CNPY1: variants seen among roughly 807,000 people sequenced by gnomAD.
CNPY1 encodes protein canopy homolog 1.
Under a neutral mutation model 14.4 loss-of-function variants are expected in CNPY1, and 14 were observed. That is an observed-to-expected ratio of 0.97 (90% CI 0.64 to 1.52). CNPY1 has a LOEUF of 1.52. CNPY1 is among the 40% of genes most tolerant of loss of function. The probability of loss-of-function intolerance (pLI) is 0.00; values close to 1 mark genes in which losing one functional copy is unlikely to be tolerated. For missense variants in CNPY1, 129 were observed against 131.5 expected, an observed-to-expected ratio of 0.98 and a Z score of 0.09; for synonymous variants, 43 against 46.5, an observed-to-expected ratio of 0.92 and a Z score of 0.31.
chr7:155,513,507 T>C (rs1238174245), intron 2 of CNPY1, among the ~76,000 whole-genome samples: 2 of 152,158 alleles, frequency 1.3e-5, no homozygotes, highest in Non-Finnish European at 1.5e-5. Context: ...CTGCTATAAT[T>C]AAAGTGAAAT....
chr7:155,513,235 C>A (rs1796560467), intron 2 of CNPY1, among the ~76,000 whole-genome samples: 1 of 152,134 alleles, frequency 6.6e-6, no homozygotes, highest in Admixed American at 6.5e-5. Flanking sequence ...ATAATAAAGG[C>A]TGATACATTT....
chr7:155,528,950 A>G (rs1357512620), intron 2 of CNPY1, among the ~76,000 whole-genome samples: 1 of 152,076 alleles, frequency 6.6e-6, no homozygotes, highest in Non-Finnish European at 1.5e-5. Context: ...GGTCCCAGCT[A>G]CTTGGGAAGC....
intron 4 of CNPY1, among the ~76,000 whole-genome samples, chr7:155,505,673 T>G (rs1270728697): frequency 6.6e-6 from 1 of 152,166 alleles, no homozygotes; most frequent in Non-Finnish European, 1.5e-5. Flanking sequence ...ACGTCCTTTA[T>G]GAGGAAAAAA....
chr7:155,516,771 G>A (rs900009912), intron 2 of CNPY1, among the ~76,000 whole-genome samples: 5 of 152,152 alleles, frequency 3.3e-5, no homozygotes, highest in African/African-American at 1.2e-4. Flanking sequence ...CCTGGGCCCA[G>A]GGTGACACTC....
chr7:155,524,776 TC>T (rs1290767833), intron 2 of CNPY1, among the ~76,000 whole-genome samples: 1 of 117,204 alleles, frequency 8.5e-6, no homozygotes. Flanking sequence ...CCCCAAACCA[TC>T]CCCCCCACCC....
intron 2 of CNPY1, among the ~76,000 whole-genome samples, chr7:155,532,069 A>T (rs1051907267): frequency 2.6e-5 from 4 of 152,262 alleles, no homozygotes; most frequent in African/African-American, 9.6e-5. Flanking sequence ...GCTCAAACTA[A>T]TACATAAGAT....
chr7:155,525,611 C>T (rs1796804767), intron 2 of CNPY1, among the ~76,000 whole-genome samples: 1 of 152,208 alleles, frequency 6.6e-6, no homozygotes, highest in South Asian at 2.1e-4. Flanking sequence ...ACCGGTAAGA[C>T]CACAGACTCC....
rs1415409240 is a variant in CNPY1, at chr7:155,520,438, T to C, written c.100-11341A>G. ...TTTCTTTCTTTCTTTCTTTTTTTTT[T>C]TTTTTTTTTTTTTTTTGAGGCAGAG... is the stretch of plus-strand genomic sequence containing the variant. On this transcript the variant is annotated intron_variant, in intron 2 of 4. Coordinates refer to ENST00000636446, the MANE Select transcript of CNPY1 (RefSeq NM_001393663.1). Among the ~76,000 whole-genome samples, 6 of 136,212 alleles carry C rather than the reference T, an allele frequency of 4.4e-5. No individual in the cohort carries two copies. The South Asian group carries it at 1.5e-3, about 34-fold the overall frequency. The allele number at this position is 136,212 out of a possible 152,430, so 89.4% of individuals were successfully genotyped here. A position where few individuals can be genotyped will look rare whatever the true frequency, so the allele number is the denominator to read the frequency against.
intron 2 of CNPY1, among the ~76,000 whole-genome samples, chr7:155,544,896 T>C (rs989470785): frequency 5.9e-5 from 9 of 152,162 alleles, no homozygotes; most frequent in African/African-American, 1.9e-4. Flanking sequence ...TGGAAATTCC[T>C]CCCTCATTCA....
At chr7:155,538,730 C>T (rs1470400724) in intron 2 of CNPY1, among the ~76,000 whole-genome samples, 5 of 152,152 alleles carry the variant, frequency 3.3e-5, no homozygotes, top group Admixed American at 2.6e-4. Context: ...AAAAGAGACC[C>T]CATGCAAAGC....
At chr7:155,540,598 G>T (rs962942173) in intron 2 of CNPY1, among the ~76,000 whole-genome samples, 1 of 152,174 alleles carries the variant, frequency 6.6e-6, no homozygotes, top group Non-Finnish European at 1.5e-5. Flanking sequence ...TCCAAGTTTC[G>T]CAGAGAGCGA....
At chr7:155,534,382 CAT>C (rs922826017) in intron 2 of CNPY1, among the ~76,000 whole-genome samples, 3 of 152,088 alleles carry the variant, frequency 2.0e-5, no homozygotes, top group Non-Finnish European at 2.9e-5. Context: ...CACACGCATG[CAT>C]AGACACACAT....
At chr7:155,512,788 A>G (rs951973662) in intron 2 of CNPY1, among the ~76,000 whole-genome samples, 7 of 152,172 alleles carry the variant, frequency 4.6e-5, no homozygotes, top group Admixed American at 6.5e-5. Flanking sequence ...ACTCATCTTT[A>G]TCGTTATTTT....
At chr7:155,511,580 A>G (rs1448648178) in intron 2 of CNPY1, among the ~76,000 whole-genome samples, 1 of 152,192 alleles carries the variant, frequency 6.6e-6, no homozygotes, top group Non-Finnish European at 1.5e-5. Flanking sequence ...TTTTAACACA[A>G]ATATGTTATG....
In CNPY1 at chr7:155,536,424, A is replaced by G. The variant is rs1216644784; in HGVS notation, c.99+9407T>C. Among the ~76,000 whole-genome samples the G allele has an allele frequency of 6.6e-6, 1 of 152,128 alleles. No homozygotes were observed. ...ATACTGAGGTGCCTTTCTTTGTCCC[A>G]TGCTACCAGGCTTCTCTCCAGTGAC... On this transcript the variant is annotated intron_variant, in intron 2 of 4. Transcript: ENST00000636446. This position sits in a 1 kb window ranked among gnomAD's most constrained non-coding sequence, Gnocchi z 4.1.
In CNPY1 at chr7:155,545,944, C is replaced by G; in HGVS notation, c.-14-1G>C. The G allele has an allele frequency of 5.0e-6, 2 of 398,610 alleles. No homozygotes were observed. The highest frequency in any genetic ancestry group is 8.8e-6 in the Non-Finnish European group (2 of 226,080). 24.7% of individuals were successfully genotyped at this position (398,610 alleles called of 1,614,324 possible). A position where few individuals can be genotyped will look rare whatever the true frequency, so the allele number is the denominator to read the frequency against. On this transcript the variant is annotated splice_acceptor_variant, in intron 1 of 4. Transcript: ENST00000636446. LOFTEE classifies it low-confidence loss of function (5UTR_SPLICE). Reference sequence around the variant, plus strand: ...ATCTCGTCCATCAGCGCCCTGCACGCTAAACAAGACACAAAACAGCTGTGA... The same window carrying G: ...ATCTCGTCCATCAGCGCCCTGCACGGTAAACAAGACACAAAACAGCTGTGA...
Position 155,546,466 on chromosome 7 carries a change from C to A in CNPY1, c.-52G>T, listed in dbSNP as rs1221489664. 3 of 397,914 alleles carry A rather than the reference C, an allele frequency of 7.5e-6. No homozygotes were observed. The highest frequency in any genetic ancestry group is 1.3e-5 in the Non-Finnish European group (3 of 226,034). 24.6% of individuals were successfully genotyped at this position (397,914 alleles called of 1,614,324 possible). ...AATTGCTGGGATTACAAGTATCAGC[C>A]ACCATGTGCAGCCTTCAAATGTGCT... is the stretch of plus-strand genomic sequence containing the variant. On this transcript the variant is annotated 5_prime_UTR_variant, in exon 1 of 5. Coordinates refer to ENST00000636446, the MANE Select transcript of CNPY1 (RefSeq NM_001393663.1).
chr7:155,506,463 C>A (rs1313898318), intron 4 of CNPY1, among the ~76,000 whole-genome samples: 1 of 152,060 alleles, frequency 6.6e-6, no homozygotes, highest in Non-Finnish European at 1.5e-5. Flanking sequence ...TAAGAATTAA[C>A]TATTATTTTC....
chr7:155,530,338 T>A (rs1453257272), intron 2 of CNPY1, among the ~76,000 whole-genome samples: 2 of 143,820 alleles, frequency 1.4e-5, no homozygotes, highest in Non-Finnish European at 3.0e-5. Context: ...CTCACTCTGT[T>A]AGCCAGGCTG....
Sources: gnomAD v4.1 joint callset for allele counts (sites outside exome capture counted in the v4.1 genomes callset) on GRCh38, gnomAD v4.1.1 for gene constraint, Gnocchi (gnomAD v3.1) non-coding constraint, MANE v1.5 for transcripts, NCBI Gene and HGNC (gene_info 2026-07-23, HGNC 2026-07-21) for gene names.